The following CEP85 variants were observed in gnomAD, a reference collection of about 807,000 sequenced individuals.
CEP85 encodes centrosomal protein 85.
Under a neutral mutation model 93.7 loss-of-function variants are expected in CEP85, and 58 were observed. The ratio of observed to expected loss-of-function variants is 0.62; its 90% CI spans 0.50 to 0.77. CEP85 has a LOEUF of 0.77. Among genes scored for constraint, CEP85 ranks in the 30% least tolerant of loss-of-function variants. The pLI is 0.00. For synonymous variants in CEP85, 314 were observed against 338.6 expected, an observed-to-expected ratio of 0.93 and a Z score of 0.80; for missense variants, 868 against 922.0, an observed-to-expected ratio of 0.94 and a Z score of 0.76.
intron 7 of CEP85, among the ~76,000 whole-genome samples, chr1:26,263,615 A>G (rs1369095441): frequency 6.6e-6 from 1 of 152,132 alleles, no homozygotes; most frequent in Non-Finnish European, 1.5e-5. Context: ...CCAAAAGGTC[A>G]AGGCTGCAGT....
intron 7 of CEP85, among the ~76,000 whole-genome samples, chr1:26,265,086 C>A (rs1289284134): frequency 6.7e-6 from 1 of 149,304 alleles, no homozygotes; most frequent in South Asian, 2.1e-4. Context: ...CGGGTTCAAG[C>A]GATTCTCCTG....
intron 7 of CEP85, 88 bp downstream of exon 7, chr1:26,259,890 C>A: frequency 9.2e-7 from 1 of 1,088,552 alleles, no homozygotes; most frequent in South Asian, 1.8e-5. Context: ...TGGCCTGGAA[C>A]TAAGAGGAGA....
intron 3 of CEP85, among the ~76,000 whole-genome samples, chr1:26,248,819 C>T (rs892631232): frequency 2.7e-5 from 4 of 145,500 alleles, no homozygotes; most frequent in South Asian, 2.2e-4. Context: ...CTCCGCCTTC[C>T]GGGTTAATGC....
rs554663964 is a variant in CEP85, at chr1:26,277,565, A to G, written c.*272A>G. ...AGATAAGTCCTCACAAACTGTTCCC[A>G]GCCCTAGGCTGACATGAGAGACGAA... On this transcript the variant is annotated 3_prime_UTR_variant, in exon 14 of 14. Transcript: ENST00000451429. The G allele has an allele frequency of 3.1e-6, 1 of 322,954 alleles. No homozygotes were observed. Among genetic ancestry groups the G allele is most frequent in the South Asian group, 4.3e-5 (1 of 23,234 alleles). The allele number at this position is 322,954 out of a possible 1,614,324, so 20.0% of individuals were successfully genotyped here. A position where few individuals can be genotyped will look rare whatever the true frequency, so the allele number is the denominator to read the frequency against.
At chr1:26,237,459 CTT>C (rs2089343725) in intron 1 of CEP85, among the ~76,000 whole-genome samples, 1 of 152,140 alleles carries the variant, frequency 6.6e-6, no homozygotes, top group African/African-American at 2.4e-5. Flanking sequence ...AGGATCAAGC[CTT>C]TTGTTTGGCT....
At chr1:26,265,007 T>A (rs11247891) in intron 7 of CEP85, among the ~76,000 whole-genome samples, 8 of 130,238 alleles carry the variant, frequency 6.1e-5, no homozygotes, top group East Asian at 2.3e-4. Context: ...TTTTTTTAGA[T>A]AGAGTCTCGC....
At chr1:26,257,335 C>T (rs1229968090) in intron 4 of CEP85, among the ~76,000 whole-genome samples, 1 of 152,154 alleles carries the variant, frequency 6.6e-6, no homozygotes, top group Non-Finnish European at 1.5e-5. Context: ...TCCTGGTTTG[C>T]CTCTGTTGCT....
intron 7 of CEP85, among the ~76,000 whole-genome samples, chr1:26,265,003 T>TA (rs1553160769): frequency 0.011 from 1,383 of 129,802 alleles, 31 homozygotes; most frequent in African/African-American, 0.04. Flanking sequence ...TTTTTTTTTT[T>TA]AGATAGAGTC....
intron 2 of CEP85, among the ~76,000 whole-genome samples, chr1:26,241,952 C>T (rs760611586): frequency 2.0e-4 from 30 of 151,748 alleles, no homozygotes; most frequent in Admixed American, 3.3e-4. Flanking sequence ...TTAGTAGAGA[C>T]GGGTTTCGCC....
intron 2 of CEP85, among the ~76,000 whole-genome samples, chr1:26,242,653 G>A (rs1279607787): frequency 6.6e-6 from 1 of 152,104 alleles, no homozygotes; most frequent in African/African-American, 2.4e-5. Flanking sequence ...AGTAATTTGT[G>A]TCCAAATTAC....
chr1:26,257,827 T>C, intron 5 of CEP85, 97 bp downstream of exon 5: 2 of 1,368,596 alleles, frequency 1.5e-6, no homozygotes, highest in Non-Finnish European at 2.0e-6. Context: ...ATTCCTCCTC[T>C]GTTTAGGTCC....
rs886643124 is a variant in CEP85 at position 26,257,582 on chromosome 1, C to T, written c.904-15C>T. On this transcript the variant is annotated splice_polypyrimidine_tract_variant and intron_variant, in intron 4 of 13. Transcript: ENST00000451429. ...GGGTCAAGATCAAGCTCATCTGGGCCTACTTGCCTTTCAGCTTCAGAATGG... is the reference window on the plus strand; with the variant it reads ...GGGTCAAGATCAAGCTCATCTGGGCTTACTTGCCTTTCAGCTTCAGAATGG... 1.2e-6 allele frequency: 2 copies of T among 1,613,710 alleles called. No individual in the cohort carries two copies. The highest frequency in any genetic ancestry group is 1.7e-6 in the Non-Finnish European group (2 of 1,179,928).
At chr1:26,261,593 A>G (rs1167119608) in intron 7 of CEP85, among the ~76,000 whole-genome samples, 1 of 152,104 alleles carries the variant, frequency 6.6e-6, no homozygotes, top group African/African-American at 2.4e-5. Context: ...AAATGAAAAA[A>G]TAAAAAATTT....
chr1:26,276,904 C>A, intron 13 of CEP85, 144 bp downstream of exon 13: 1 of 837,432 alleles, frequency 1.2e-6, no homozygotes, highest in Non-Finnish European at 1.9e-6. Flanking sequence ...TTATTTGTTT[C>A]ACAAAGTAGG....
chr1:26,264,539 T>C (rs527443180), intron 7 of CEP85, among the ~76,000 whole-genome samples: 1 of 152,116 alleles, frequency 6.6e-6, no homozygotes, highest in African/African-American at 2.4e-5. Context: ...TTCAAAAAAA[T>C]AAAATAAAAA....
chr1:26,254,656 C>T (rs773014445), intron 3 of CEP85: 18 of 162,710 alleles, frequency 1.1e-4, no homozygotes, highest in Non-Finnish European at 1.8e-4. Flanking sequence ...CTGAGCAAGA[C>T]TGTCTAGTTC....
intron 6 of CEP85, 64 bp downstream of exon 6, chr1:26,258,324 C>T: frequency 9.8e-7 from 1 of 1,015,314 alleles, no homozygotes; most frequent in South Asian, 1.3e-5. Context: ...CTATGCTTGA[C>T]ACCATTAGGT....
In CEP85 at chr1:26,259,795, A is replaced by C; in HGVS notation, c.1334A>C (p.Glu445Ala). The C allele has an allele frequency of 1.2e-6, 2 of 1,611,180 alleles. No homozygotes were observed. The highest frequency in any genetic ancestry group is 1.7e-6 in the Non-Finnish European group (2 of 1,178,842). The part of the protein sequence containing the change: ...QKHSEEVKKQ[E>A]ERVKGRDKHI... ...CATTCTGAGGAAGTGAAGAAACAGGAAGAAAGGGTGAGCTGAGTAGCTGAT... is the reference window on the plus strand; with the variant it reads ...CATTCTGAGGAAGTGAAGAAACAGGCAGAAAGGGTGAGCTGAGTAGCTGAT... The change falls in exon 7 of 14, where the codon GAA (glutamate) becomes GCA (alanine). Residue 445 changes from glutamate to alanine, a missense_variant. By Grantham distance (107) the Glu-to-Ala change is moderately radical (BLOSUM62 -1). Coordinates refer to ENST00000451429, the MANE Select transcript of CEP85 (RefSeq NM_001319944.2).
rs1191792924 is a variant in CEP85 at position 26,255,705 on chromosome 1, TC to T, written c.746del (p.Pro249LeufsTer44). 2 of 1,614,154 alleles carry T rather than the reference TC, an allele frequency of 1.2e-6. No individual in the cohort carries two copies. The highest frequency in any genetic ancestry group is 8.5e-7 in the Non-Finnish European group (1 of 1,180,028). The stretch of plus-strand genomic sequence containing the variant: ...CCACATTCTAATAGCAGTGGGGTCC[TC>T]CCTTTGGGACTCCAGCCTGCTCCCG... ...NGPHSNSSGV[L>X]PLGLQPAPGL... is the part of the protein sequence containing the mutation. On this transcript the variant is annotated frameshift_variant, in exon 4 of 14. Coordinates refer to ENST00000451429, the MANE Select transcript of CEP85 (RefSeq NM_001319944.2). LOFTEE classifies it high-confidence loss of function.
Sources: gnomAD v4.1 joint callset for allele counts (sites outside exome capture counted in the v4.1 genomes callset) on GRCh38, gnomAD v4.1.1 for gene constraint, MANE v1.5 for transcripts, NCBI Gene and HGNC (gene_info 2026-07-23, HGNC 2026-07-21) for gene names.